ARMH1: variants seen among roughly 807,000 people sequenced by gnomAD.
ARMH1 encodes armadillo like helical domain containing 1, also known as armadillo-like helical domain containing protein 1.
In ARMH1, 34 loss-of-function variants were observed where a neutral mutation model predicts 50.2. That is an observed-to-expected ratio of 0.68 (90% CI 0.51 to 0.90). ARMH1 has a LOEUF of 0.90. Among genes scored for constraint, ARMH1 ranks in the 40% least tolerant of loss-of-function variants. The pLI is 0.00. For missense variants in ARMH1, 538 were observed against 553.9 expected (o/e 0.97, Z 0.29); for synonymous variants, 221 against 224.2 (o/e 0.99, Z 0.13).
At chr1:44,713,889 T>G (rs139499031) in intron 6 of ARMH1, among the ~76,000 whole-genome samples, 1 of 152,198 alleles carries the variant, frequency 6.6e-6, no homozygotes, top group African/African-American at 2.4e-5. Context: ...AGCACATACA[T>G]TAGTTACTTT....
chr1:44,724,324 C>A lies in ARMH1; in HGVS notation c.852C>A (p.Pro284=). Residue 284 remains proline (P), a synonymous_variant, in exon 8 of 12, where the codon CCC becomes CCA. Transcript: ENST00000535358. This position sits in a 1 kb window ranked among gnomAD's most constrained non-coding sequence, Gnocchi z 6.4. The part of the protein sequence containing the change: ...SKLQAKILSD[P]SVLQLTPSLP... ...TCACGGCTGCCCCCTCCTCAGACCCCTCGGTTCTCCAGCTCACCCCCAGCC... is the reference window on the plus strand; with the variant it reads ...TCACGGCTGCCCCCTCCTCAGACCCATCGGTTCTCCAGCTCACCCCCAGCC... 2 of 1,551,598 alleles carry A rather than the reference C, an allele frequency of 1.3e-6. No homozygotes were observed. The highest frequency in any genetic ancestry group is 1.7e-6 in the Non-Finnish European group (2 of 1,146,976).
At position 44,695,481 on chromosome 1, in the gene ARMH1, T is replaced by C. The variant is rs143791802; in HGVS notation, c.207-1621T>C. Among the ~76,000 whole-genome samples, 1,256 of 152,240 alleles carry C rather than the reference T, an allele frequency of 8.3e-3. 18 individuals carry two copies. Among genetic ancestry groups the C allele is most frequent in the African/African-American group, 0.028 (1,183 of 41,534 alleles). ...GGAAATAATAGACCAGAAATATGTA[T>C]AGTGAGTGACTATGAAAACAAGACT... is the stretch of plus-strand genomic sequence containing the variant. On this transcript the variant is annotated intron_variant, in intron 2 of 11. Transcript: ENST00000535358.
At chr1:44,684,908 C>T (rs572375729) in intron 1 of ARMH1, among the ~76,000 whole-genome samples, 8 of 152,270 alleles carry the variant, frequency 5.3e-5, no homozygotes, top group African/African-American at 1.7e-4. Flanking sequence ...GCCCTTCCCC[C>T]ACCTGACTCC....
intron 1 of ARMH1, among the ~76,000 whole-genome samples, 200 bp downstream of exon 1, chr1:44,675,073 C>A (rs1645090414): frequency 6.6e-6 from 1 of 152,090 alleles, no homozygotes; most frequent in South Asian, 2.1e-4. Flanking sequence ...TTGCATTTAT[C>A]TATATTTACA....
chr1:44,675,443 T>A (rs1645103091), intron 1 of ARMH1, among the ~76,000 whole-genome samples: 1 of 152,098 alleles, frequency 6.6e-6, no homozygotes. Flanking sequence ...GGAGAATGGC[T>A]TGAAGGAGTT....
At chr1:44,685,947 G>A (rs1049668056) in intron 1 of ARMH1, among the ~76,000 whole-genome samples, 3 of 152,062 alleles carry the variant, frequency 2.0e-5, no homozygotes, top group Admixed American at 6.6e-5. Flanking sequence ...TTTCTAACGC[G>A]GAGTTATATA....
At chr1:44,690,313 C>T (rs1456818396) in intron 2 of ARMH1, among the ~76,000 whole-genome samples, 1 of 151,950 alleles carries the variant, frequency 6.6e-6, no homozygotes, top group African/African-American at 2.4e-5. Flanking sequence ...TATTTTAGAA[C>T]AGACATCTGG....
chr1:44,724,764 C>T lies in ARMH1; in HGVS notation c.1053C>T (p.Cys351=). 4 of 1,543,148 alleles carry T rather than the reference C, an allele frequency of 2.6e-6. No homozygotes were observed. The highest frequency in any genetic ancestry group is 3.5e-6 in the Non-Finnish European group (4 of 1,146,388). The change falls in exon 10 of 12, where the codon TGC becomes TGT. Residue 351 remains cysteine, a splice_region_variant and synonymous_variant. Transcript: ENST00000535358. This position sits in a 1 kb window ranked among gnomAD's most constrained non-coding sequence, Gnocchi z 6.4. The part of the protein sequence containing the change: ...SQRLASLTLE[C]FVQMFPLVAE... Reference sequence around the variant, plus strand: ...GCCGCCTCGCCCGCGCGGCGCAGTGCTTCGTGCAGATGTTCCCCTTGGTGG... The same window carrying T: ...GCCGCCTCGCCCGCGCGGCGCAGTGTTTCGTGCAGATGTTCCCCTTGGTGG...
At chr1:44,703,544 G>A (rs1162845188) in intron 5 of ARMH1, among the ~76,000 whole-genome samples, 2 of 140,948 alleles carry the variant, frequency 1.4e-5, no homozygotes, top group African/African-American at 2.6e-5. Context: ...TCAACATGGG[G>A]AAACTCCGTC....
At chr1:44,679,336 A>T (rs1402869070) in intron 1 of ARMH1, among the ~76,000 whole-genome samples, 1 of 152,244 alleles carries the variant, frequency 6.6e-6, no homozygotes, top group Non-Finnish European at 1.5e-5. Context: ...CTTTTACTGC[A>T]TGCTGCATGC....
intron 1 of ARMH1, among the ~76,000 whole-genome samples, chr1:44,675,289 C>G (rs887319423): frequency 3.2e-4 from 48 of 152,070 alleles, no homozygotes; most frequent in African/African-American, 1.1e-3. Flanking sequence ...AGCTCAGAAT[C>G]AGAGAAGGGG....
chr1:44,698,813 CA>C (rs201693065), intron 4 of ARMH1, among the ~76,000 whole-genome samples: 39,329 of 124,804 alleles, frequency 0.32, 6,706 homozygotes, highest in Middle Eastern at 0.47. Flanking sequence ...AACTCCATCT[CA>C]AAAAAAAAAA....
intron 4 of ARMH1, among the ~76,000 whole-genome samples, chr1:44,700,156 C>G (rs1432209683): frequency 6.6e-6 from 1 of 152,046 alleles, no homozygotes; most frequent in Non-Finnish European, 1.5e-5. Flanking sequence ...AAAGCACTTC[C>G]CACCCTGCAT....
chr1:44,696,884 G>A (rs1645844489), intron 2 of ARMH1, among the ~76,000 whole-genome samples: 1 of 152,146 alleles, frequency 6.6e-6, no homozygotes, highest in African/African-American at 2.4e-5. Context: ...AACTGCCACA[G>A]AGGAGCTTCC....
In ARMH1 at chr1:44,699,486, A is replaced by G. The variant is rs554752875; in HGVS notation, c.442+1257A>G. ...CTTTTTTGAGACGGAGTCTCACTCT[A>G]TCGCCCAGGCTGGAGTGTGGTGGCG... On this transcript the variant is annotated intron_variant, in intron 4 of 11. Coordinates refer to ENST00000535358, the MANE Select transcript of ARMH1 (RefSeq NM_001145636.2). 4.5e-4 allele frequency among the ~76,000 whole-genome samples: 68 copies of G among 152,132 alleles called. 1 individual carries two copies. The highest frequency in any genetic ancestry group is 1.3e-3 in the African/African-American group (56 of 41,526).
intron 6 of ARMH1, among the ~76,000 whole-genome samples, chr1:44,715,746 G>C (rs1186655206): frequency 6.6e-6 from 1 of 152,156 alleles, no homozygotes; most frequent in Non-Finnish European, 1.5e-5. Context: ...TTTTAGTAAA[G>C]ACAGGGTTTC....
intron 6 of ARMH1, among the ~76,000 whole-genome samples, chr1:44,719,058 A>C (rs1430653107): frequency 1.3e-5 from 2 of 150,310 alleles, no homozygotes; most frequent in Non-Finnish European, 2.9e-5. Context: ...GGCATTTCTG[A>C]ATGAAGCCAC....
In ARMH1 at chr1:44,681,554, G is replaced by A. The variant is rs1645314265; in HGVS notation, c.-23+6681G>A. Among the ~76,000 whole-genome samples the A allele has an allele frequency of 6.6e-6, 1 of 151,550 alleles. No homozygotes were observed. Among genetic ancestry groups the A allele is most frequent in the African/African-American group, 2.4e-5 (1 of 41,074 alleles). On this transcript the variant is annotated intron_variant, in intron 1 of 11. Transcript: ENST00000535358. The surrounding 1 kb of genome is among the most constrained non-coding windows in gnomAD (Gnocchi z 4.3). ...AACAAGAAAAATGCCTAAATAGAGG[G>A]GTTAAGGATACAAGGGAGGCAGGAG...
At chr1:44,709,669 T>G (rs1646512641) in intron 6 of ARMH1, among the ~76,000 whole-genome samples, 1 of 136,608 alleles carries the variant, frequency 7.3e-6, no homozygotes, top group African/African-American at 2.7e-5. Context: ...AGACTCCATC[T>G]CAGAAAAAAA....
Sources: allele counts gnomAD v4.1 joint callset (sites outside exome capture counted in the v4.1 genomes callset), GRCh38; gene constraint gnomAD v4.1.1; non-coding constraint Gnocchi (gnomAD v3.1); transcripts MANE v1.5; gene names NCBI Gene and HGNC (gene_info 2026-07-23, HGNC 2026-07-21).